GLIS3: variants seen among roughly 807,000 people sequenced by gnomAD.
GLIS3 encodes the protein zinc finger protein GLIS3.
A neutral mutation model predicts 78.6 loss-of-function variants in GLIS3; 53 were observed. That is an observed-to-expected ratio of 0.67 (90% CI 0.54 to 0.85). The LOEUF (loss-of-function observed/expected upper bound fraction) is 0.85. Ranked by LOEUF, GLIS3 falls within the 40% of genes least tolerant of loss-of-function variation. GLIS3 has a pLI of 0.00. For synonymous variants in GLIS3, 684 were observed against 509.9 expected (o/e 1.34, Z -4.60); for missense variants, 1,703 against 1,231.1 (o/e 1.38, Z -5.74).
At chr9:4,338,535 G>C (rs1587393560) in intron 2 of GLIS3, among the ~76,000 whole-genome samples, 1 of 152,126 alleles carries the variant, frequency 6.6e-6, no homozygotes, top group Non-Finnish European at 1.5e-5. Context: ...GTCAATGACT[G>C]TATAGGGCCC....
chr9:4,362,193 C>G, the GLIS3 span, among the ~76,000 whole-genome samples: 474 of 152,326 alleles, frequency 3.1e-3, 4 homozygotes, highest in African/African-American at 0.011. Context: ...TTCCCTGAAA[C>G]CAGTGGAAAG....
At chr9:4,012,322 G>C (rs1209071498) in intron 4 of GLIS3, among the ~76,000 whole-genome samples, 1 of 152,182 alleles carries the variant, frequency 6.6e-6, no homozygotes, top group Non-Finnish European at 1.5e-5. Flanking sequence ...TATTGGAAGA[G>C]TGTGGTTAAA....
chr9:3,863,429 C>A (rs551647691), intron 8 of GLIS3, among the ~76,000 whole-genome samples: 41 of 151,890 alleles, frequency 2.7e-4, no homozygotes, highest in Middle Eastern at 3.4e-3. Flanking sequence ...ACACTGTCCA[C>A]TGGGGCAGGA....
At chr9:4,476,874 T>C in the GLIS3 span, among the ~76,000 whole-genome samples, 1 of 152,218 alleles carries the variant, frequency 6.6e-6, no homozygotes, top group East Asian at 1.9e-4. Flanking sequence ...TTAGAATAGC[T>C]GTTTTTAGAC....
chr9:4,385,107 C>T, the GLIS3 span, among the ~76,000 whole-genome samples: 5 of 152,190 alleles, frequency 3.3e-5, no homozygotes, highest in Admixed American at 6.5e-5. Context: ...AAAAATCTAA[C>T]ACTCCTCAGA....
chr9:4,418,001 G>A, the GLIS3 span, among the ~76,000 whole-genome samples: 1 of 152,070 alleles, frequency 6.6e-6, no homozygotes, highest in Non-Finnish European at 1.5e-5. Context: ...AGCATTCCTG[G>A]CTCCTGTCCA....
the GLIS3 span, among the ~76,000 whole-genome samples, chr9:4,372,590 C>A: frequency 6.6e-6 from 1 of 151,594 alleles, no homozygotes; most frequent in Non-Finnish European, 1.5e-5. Context: ...AGCGCGTGCA[C>A]CTAAATTCTA....
intron 2 of GLIS3, among the ~76,000 whole-genome samples, chr9:4,338,393 C>CAG (rs1268730972): frequency 6.8e-6 from 1 of 146,422 alleles, no homozygotes; most frequent in Non-Finnish European, 1.5e-5. Context: ...CACACATACA[C>CAG]ACACACACAC....
At chr9:3,984,292 G>A (rs1042956044) in intron 4 of GLIS3, among the ~76,000 whole-genome samples, 1 of 152,240 alleles carries the variant, frequency 6.6e-6, no homozygotes, top group African/African-American at 2.4e-5. Context: ...AGGCTGCTGG[G>A]AGGGACGCTA....
At position 4,154,073 on chromosome 9, in the gene GLIS3, C is replaced by T. The variant is rs754665580; in HGVS notation, c.389-28132G>A. Among the ~76,000 whole-genome samples the T allele has an allele frequency of 3.9e-5, 6 of 152,226 alleles. No individual in the cohort carries two copies. In the South Asian group the frequency reaches 1.2e-3, roughly 31 times the overall value. On this transcript the variant is annotated intron_variant, in intron 2 of 10. Transcript: ENST00000381971. ...TGTCAATAAGAACACCAACACATGG[C>T]CTCTGCACATGACTTGAGCTTCCCA...
At chr9:4,461,389 C>T in the GLIS3 span, among the ~76,000 whole-genome samples, 1 of 152,096 alleles carries the variant, frequency 6.6e-6, no homozygotes, top group Non-Finnish European at 1.5e-5. Context: ...CTCACAGAGC[C>T]TTAAAATCAG....
At chr9:3,866,482 G>A (rs1820594187) in intron 8 of GLIS3, among the ~76,000 whole-genome samples, 2 of 152,018 alleles carry the variant, frequency 1.3e-5, no homozygotes, top group African/African-American at 2.4e-5. Context: ...AAAGGGAGGC[G>A]GGAAAGAAAA....
intron 1 of GLIS3, among the ~76,000 whole-genome samples, chr9:4,293,920 G>T (rs1816246767): frequency 6.6e-6 from 1 of 152,202 alleles, no homozygotes; most frequent in Non-Finnish European, 1.5e-5. Context: ...ACTCAAGTCT[G>T]CCCTCAGCTA....
At chr9:4,487,402 G>C in the GLIS3 span, among the ~76,000 whole-genome samples, 1 of 152,058 alleles carries the variant, frequency 6.6e-6, no homozygotes, top group East Asian at 1.9e-4. Context: ...ACCTCCATGA[G>C]GTAAAGATAA....
intron 8 of GLIS3, among the ~76,000 whole-genome samples, chr9:3,863,466 C>T (rs558527297): frequency 7.9e-5 from 12 of 152,326 alleles, no homozygotes; most frequent in African/African-American, 2.9e-4. Context: ...GCTGTGTGTC[C>T]GTCTGAGGAC....
At chr9:4,207,376 CTGG>C (rs1819977713) in intron 2 of GLIS3, among the ~76,000 whole-genome samples, 2 of 152,292 alleles carry the variant, frequency 1.3e-5, no homozygotes, top group Admixed American at 6.5e-5. Flanking sequence ...CAAATAATCG[CTGG>C]TGATTTATGC....
chr9:4,029,553 T>C (rs1032877044), intron 4 of GLIS3, among the ~76,000 whole-genome samples: 1 of 152,162 alleles, frequency 6.6e-6, no homozygotes, highest in East Asian at 1.9e-4. Flanking sequence ...GCATTCTTTC[T>C]ATTTTTTTGG....
chr9:4,158,143 C>T (rs912882083), intron 2 of GLIS3, among the ~76,000 whole-genome samples: 2 of 152,076 alleles, frequency 1.3e-5, no homozygotes, highest in Non-Finnish European at 2.9e-5. Context: ...CTTTCCAAAA[C>T]GATGCCTCTT....
chr9:4,385,530 T>C, the GLIS3 span, among the ~76,000 whole-genome samples: 1 of 151,614 alleles, frequency 6.6e-6, no homozygotes, highest in Admixed American at 6.6e-5. Flanking sequence ...CCAGGTGTAG[T>C]GATGGGCACC....
Sources: allele counts gnomAD v4.1 joint callset (sites outside exome capture counted in the v4.1 genomes callset), GRCh38; gene constraint gnomAD v4.1.1; transcripts MANE v1.5; gene names NCBI Gene and HGNC (gene_info 2026-07-23, HGNC 2026-07-21).